GRAMD1B: variants seen among roughly 807,000 people sequenced by gnomAD.
The protein encoded by GRAMD1B is GRAM domain containing 1B.
In GRAMD1B, 37 loss-of-function variants were observed where a neutral mutation model predicts 99.7. That is an observed-to-expected ratio of 0.37 (90% CI 0.29 to 0.49). GRAMD1B has a LOEUF of 0.49. Ranked by LOEUF, GRAMD1B falls within the 20% of genes least tolerant of loss-of-function variation. The pLI is 0.98. For synonymous variants in GRAMD1B, 427 were observed against 387.6 expected (o/e 1.10, Z -1.19); for missense variants, 888 against 1,009.2 (o/e 0.88, Z 1.63).
intron 4 of GRAMD1B, among the ~76,000 whole-genome samples, chr11:123,585,954 A>T (rs1425863679): frequency 1.3e-5 from 2 of 150,660 alleles, no homozygotes; most frequent in African/African-American, 4.9e-5. Flanking sequence ...TTGCTTTCTG[A>T]CTCCACCCCT....
intron 1 of GRAMD1B, among the ~76,000 whole-genome samples, chr11:123,377,722 A>G (rs1474192880): frequency 2.6e-5 from 4 of 152,232 alleles, no homozygotes. Context: ...CTGGAAGATA[A>G]TATACACTTA....
chr11:123,526,218 G>A (rs776494235), intron 2 of GRAMD1B: 2 of 1,558,664 alleles, frequency 1.3e-6, no homozygotes, highest in South Asian at 1.1e-5. Context: ...CCTTTCTTCA[G>A]CCCTGTGCTC....
At chr11:123,435,331 T>G (rs984285941) in intron 1 of GRAMD1B, 3 of 672,648 alleles carry the variant, frequency 4.5e-6, no homozygotes, top group African/African-American at 1.8e-5. Context: ...GTTAAGTGGC[T>G]GAGAGGGCCA....
chr11:123,470,926 A>G (rs1950986816), intron 1 of GRAMD1B, among the ~76,000 whole-genome samples: 2 of 152,338 alleles, frequency 1.3e-5, no homozygotes, highest in South Asian at 4.1e-4. Flanking sequence ...TGTACTGTCC[A>G]CAATGAAGCC....
chr11:123,519,565 A>G (rs4258388), intron 2 of GRAMD1B, among the ~76,000 whole-genome samples: 50,393 of 152,180 alleles, frequency 0.33, 9,748 homozygotes, highest in East Asian at 0.8. Context: ...GCCTGAGCTT[A>G]GAGCTTTGAT....
chr11:123,379,053 G>A (rs115482168), intron 1 of GRAMD1B, among the ~76,000 whole-genome samples: 2,181 of 152,238 alleles, frequency 0.014, 56 homozygotes, highest in African/African-American at 0.05. Flanking sequence ...ATGGAGATAA[G>A]GAAGAAGTTA....
chr11:123,437,041 A>T (rs918021633), intron 1 of GRAMD1B, among the ~76,000 whole-genome samples: 1 of 152,138 alleles, frequency 6.6e-6, no homozygotes, highest in African/African-American at 2.4e-5. Context: ...GCTGAGAATG[A>T]TGGTTTCCAG....
At chr11:123,422,017 T>C (rs1368081520) in intron 1 of GRAMD1B, among the ~76,000 whole-genome samples, 6 of 152,228 alleles carry the variant, frequency 3.9e-5, no homozygotes, top group Admixed American at 2.6e-4. Flanking sequence ...TGATAGACCC[T>C]GAAAGCTACA....
intron 1 of GRAMD1B, among the ~76,000 whole-genome samples, chr11:123,405,307 A>T (rs962469555): frequency 9.2e-5 from 14 of 152,166 alleles, no homozygotes; most frequent in African/African-American, 2.9e-4. Flanking sequence ...TGGTGACCTC[A>T]GACCCAACCA....
At chr11:123,582,510 C>T (rs1174452744) in intron 3 of GRAMD1B, among the ~76,000 whole-genome samples, 2 of 152,070 alleles carry the variant, frequency 1.3e-5, no homozygotes, top group Non-Finnish European at 2.9e-5. Flanking sequence ...TGGGAAGTGA[C>T]CCTGGAGAGC....
chr11:123,483,187 G>A (rs1283387624), intron 2 of GRAMD1B, among the ~76,000 whole-genome samples: 5 of 152,116 alleles, frequency 3.3e-5, no homozygotes, highest in Admixed American at 6.6e-5. Flanking sequence ...CCATGATAGA[G>A]CTGTACTAGC....
intron 14 of GRAMD1B, among the ~76,000 whole-genome samples, chr11:123,611,703 A>G (rs1039843088): frequency 1.3e-5 from 2 of 152,248 alleles, no homozygotes; most frequent in African/African-American, 4.8e-5. Flanking sequence ...TGAACAGACC[A>G]TTATAGGAAG....
chr11:123,461,496 C>G (rs974464271), intron 1 of GRAMD1B, among the ~76,000 whole-genome samples: 6 of 152,244 alleles, frequency 3.9e-5, no homozygotes, highest in Non-Finnish European at 5.9e-5. Flanking sequence ...AGCCCTGGCT[C>G]TAGCTCTGGG....
At chr11:123,621,900 T>TCTTCTTCCTTCCTTCCTTTCTC (rs1309422166) in intron 19 of GRAMD1B, among the ~76,000 whole-genome samples, 1,183 of 47,692 alleles carry the variant, frequency 0.025, 10 homozygotes, top group Admixed American at 0.037. Context: ...TTCTTTCTTT[T>TCTTCTTCCTTCCTTCCTTTCTC]TCTCTTTCTT....
chr11:123,392,248 T>A (rs908095291), intron 1 of GRAMD1B, among the ~76,000 whole-genome samples: 3 of 151,956 alleles, frequency 2.0e-5, no homozygotes, highest in Non-Finnish European at 4.4e-5. Context: ...AGATCGTATG[T>A]CTTTGCCCTC....
intron 1 of GRAMD1B, among the ~76,000 whole-genome samples, chr11:123,468,109 G>A (rs989900538): frequency 6.6e-6 from 1 of 152,136 alleles, no homozygotes; most frequent in South Asian, 2.1e-4. Context: ...TGATCCACCC[G>A]CCTTGGCCTC....
Position 123,532,127 on chromosome 11 carries a change from C to T in GRAMD1B, c.453-45240C>T, listed in dbSNP as rs370017962. ...TTATGCCATGATAATACCATTCCCTCCCCCTTTCACCCCAACCAGCTTAAC... is the reference window on the plus strand; with the variant it reads ...TTATGCCATGATAATACCATTCCCTTCCCCTTTCACCCCAACCAGCTTAAC... On this transcript the variant is annotated intron_variant, in intron 2 of 19. Coordinates refer to ENST00000635736, the MANE Select transcript of GRAMD1B (RefSeq NM_001387025.1). Among the ~76,000 whole-genome samples, 14 of 152,274 alleles carry T rather than the reference C, an allele frequency of 9.2e-5. No individual in the cohort carries two copies. The South Asian group carries it at 1.5e-3, about 16-fold the overall frequency.
At chr11:123,575,952 C>CAT (rs1948661272) in intron 2 of GRAMD1B, among the ~76,000 whole-genome samples, 1 of 152,124 alleles carries the variant, frequency 6.6e-6, no homozygotes, top group Non-Finnish European at 1.5e-5. Context: ...TTTCTCCATA[C>CAT]ATATTTGGGG....
chr11:123,562,234 C>A lies in GRAMD1B; in HGVS notation c.453-15133C>A, dbSNP rs535114497. On this transcript the variant is annotated intron_variant, in intron 2 of 19. Coordinates refer to ENST00000635736, the MANE Select transcript of GRAMD1B (RefSeq NM_001387025.1). The stretch of plus-strand genomic sequence containing the variant: ...CTAAGACTAAACACCTCCCACACCC[C>A]CTCCCTGCTTCTCTCTTTTCTGGCC... Among the ~76,000 whole-genome samples, 3 of 152,126 alleles carry A rather than the reference C, an allele frequency of 2.0e-5. No individual in the cohort carries two copies. The South Asian group carries it at 6.2e-4, about 32-fold the overall frequency.
Sources: gnomAD v4.1 joint callset for allele counts (sites outside exome capture counted in the v4.1 genomes callset) on GRCh38, gnomAD v4.1.1 for gene constraint, MANE v1.5 for transcripts, NCBI Gene and HGNC (gene_info 2026-07-23, HGNC 2026-07-21) for gene names.